The following TBC1D31 variants were observed in gnomAD, a reference collection of about 807,000 sequenced individuals.
The protein encoded by TBC1D31 is WD repeat domain 67.
Under a neutral mutation model 132.9 loss-of-function variants are expected in TBC1D31, and 99 were observed. The ratio of observed to expected loss-of-function variants is 0.74; its 90% CI spans 0.63 to 0.88. The LOEUF (loss-of-function observed/expected upper bound fraction) is 0.88. TBC1D31 is among the 40% of genes least tolerant of loss of function. The pLI is 0.00. For synonymous variants in TBC1D31, 385 were observed against 419.4 expected (o/e 0.92, Z 1.00); for missense variants, 1,134 against 1,256.6 (o/e 0.90, Z 1.48).
Position 123,126,698 on chromosome 8 carries a change from T to G in TBC1D31, c.1884+11T>G, listed in dbSNP as rs1038778699. 21 of 1,589,634 alleles carry G rather than the reference T, an allele frequency of 1.3e-5. No homozygotes were observed. Among genetic ancestry groups the G allele is most frequent in the Non-Finnish European group, 7.7e-6 (9 of 1,170,714 alleles). On this transcript the variant is annotated intron_variant, in intron 13 of 21. Coordinates refer to ENST00000287380, the MANE Select transcript of TBC1D31 (RefSeq NM_145647.4). ...AAAGATGACTTTGAGGTAACGGTCC[T>G]TGTTCTTAAGAGAAGGTTCTCAAAT...
At chr8:123,118,240 A>G (rs538606064) in intron 10 of TBC1D31, among the ~76,000 whole-genome samples, 4 of 137,298 alleles carry the variant, frequency 2.9e-5, no homozygotes, top group Admixed American at 7.6e-5. Context: ...AAATCTGAGT[A>G]AAGTCCATAA....
rs759949001 is a variant in TBC1D31, at chr8:123,077,112, A to G, written c.79A>G (p.Ile27Val). The G allele has an allele frequency of 7.5e-6, 12 of 1,591,498 alleles. No individual in the cohort carries two copies. The highest frequency in any genetic ancestry group is 1.8e-5 in the Admixed American group (1 of 54,446). ...TGTTTGGGTTTTTTTCTTTGACAGAATTATAGTGAACATTATTCACAACAC... is the reference window on the plus strand; with the variant it reads ...TGTTTGGGTTTTTTTCTTTGACAGAGTTATAGTGAACATTATTCACAACAC... ...RKPSPATRDG[I>V]IVNIIHNTSD... The change falls in exon 2 of 22, where the codon ATT becomes GTT. Residue 27 changes from isoleucine to valine, a missense_variant and splice_region_variant. Ile to Val is a conservative substitution (Grantham distance 29). Coordinates refer to ENST00000287380, the MANE Select transcript of TBC1D31 (RefSeq NM_145647.4).
At chr8:123,114,313 G>T (rs1221736522) in intron 10 of TBC1D31, among the ~76,000 whole-genome samples, 1 of 134,458 alleles carries the variant, frequency 7.4e-6, no homozygotes, top group African/African-American at 2.8e-5. Flanking sequence ...CTGTTTGTTT[G>T]TTTTTTGTTG....
chr8:123,109,213 T>G, intron 8 of TBC1D31, 104 bp from the exon 9 acceptor site: 1 of 751,508 alleles, frequency 1.3e-6, no homozygotes, highest in Non-Finnish European at 2.2e-6. Flanking sequence ...TCTTACTATG[T>G]GTTGTTTTCT....
At chr8:123,119,755 G>A (rs1819295113) in intron 10 of TBC1D31, among the ~76,000 whole-genome samples, 1 of 152,136 alleles carries the variant, frequency 6.6e-6, no homozygotes, top group African/African-American at 2.4e-5. Flanking sequence ...GTATCGGTAC[G>A]AAGCTATCAT....
chr8:123,150,587 C>T (rs1175526068), intron 21 of TBC1D31, among the ~76,000 whole-genome samples: 4 of 152,186 alleles, frequency 2.6e-5, no homozygotes, highest in East Asian at 1.9e-4. Context: ...CTGGGCACTC[C>T]GATGGAATTC....
chr8:123,090,468 G>A (rs1341834582), intron 4 of TBC1D31, among the ~76,000 whole-genome samples: 1 of 152,120 alleles, frequency 6.6e-6, no homozygotes, highest in Admixed American at 6.5e-5. Context: ...TGATTACTGT[G>A]GTTCAGCAGG....
At chr8:123,081,302 A>C (rs1815121929) in intron 2 of TBC1D31, among the ~76,000 whole-genome samples, 2 of 152,102 alleles carry the variant, frequency 1.3e-5, no homozygotes, top group Non-Finnish European at 2.9e-5. Context: ...CATCACCACC[A>C]AGCCTCAGGC....
At chr8:123,133,211 T>C (rs948251599) in intron 16 of TBC1D31, among the ~76,000 whole-genome samples, 1 of 152,216 alleles carries the variant, frequency 6.6e-6, no homozygotes, top group African/African-American at 2.4e-5. Context: ...GCTGTTTGTA[T>C]CTCTGAAAAT....
intron 10 of TBC1D31, among the ~76,000 whole-genome samples, chr8:123,113,751 T>A (rs947970859): frequency 2.0e-5 from 3 of 152,202 alleles, no homozygotes; most frequent in Admixed American, 2.0e-4. Context: ...AAGCAATTTT[T>A]TTTGTTGGTT....
intron 20 of TBC1D31, among the ~76,000 whole-genome samples, chr8:123,147,385 G>C (rs1354966755): frequency 1.3e-5 from 2 of 151,984 alleles, no homozygotes; most frequent in Non-Finnish European, 2.9e-5. Flanking sequence ...GTTGGGCAGG[G>C]TGGTCTCAAT....
chr8:123,100,604 A>ATAATAAT (rs1326440675), intron 6 of TBC1D31, among the ~76,000 whole-genome samples: 1 of 151,356 alleles, frequency 6.6e-6, no homozygotes, highest in African/African-American at 2.4e-5. Context: ...AATAATAATA[A>ATAATAAT]AATAAAATAT....
chr8:123,092,808 A>ATTTTTT lies in TBC1D31; in HGVS notation c.520-767_520-762dup, dbSNP rs71573666. Among the ~76,000 whole-genome samples the ATTTTTT allele has an allele frequency of 9.4e-4, 97 of 103,524 alleles. 3 individuals carry two copies. The highest frequency in any genetic ancestry group is 3.7e-3 in the African/African-American group (91 of 24,330). The allele number at this position is 103,524 out of a possible 152,430, so 67.9% of individuals were successfully genotyped here. On this transcript the variant is annotated intron_variant, in intron 4 of 21. Transcript: ENST00000287380. ...GGGACTACAGGCACACACCCGGCTA[A>ATTTTTT]TTTTTTTTTTTTTTTTTTTTTGAGA... is the stretch of plus-strand genomic sequence containing the variant.
intron 7 of TBC1D31, chr8:123,103,880 A>C (rs12546649): frequency 0.28 from 42,771 of 152,120 alleles, 6,167 homozygotes; most frequent in Admixed American, 0.35. Flanking sequence ...ATTTTTTGAC[A>C]CATTCCCAGT....
intron 8 of TBC1D31, 93 bp from the exon 9 acceptor site, chr8:123,109,224 A>G: frequency 1.2e-6 from 1 of 854,996 alleles, no homozygotes; most frequent in South Asian, 1.7e-5. Flanking sequence ...GTTGTTTTCT[A>G]AAGTTGGGAA....
chr8:123,128,053 C>G (rs867888769), intron 13 of TBC1D31: 1 of 336,330 alleles, frequency 3.0e-6, no homozygotes, highest in Non-Finnish European at 5.3e-6. Flanking sequence ...GTAAGAAAAG[C>G]CTTCATTTTT....
At chr8:123,077,571 G>A (rs553242929) in intron 2 of TBC1D31, among the ~76,000 whole-genome samples, 19 of 143,426 alleles carry the variant, frequency 1.3e-4, no homozygotes, top group African/African-American at 4.1e-4. Flanking sequence ...TTGTTCTGTC[G>A]CCCAGGCTGG....
intron 4 of TBC1D31, among the ~76,000 whole-genome samples, chr8:123,090,109 G>A (rs558297523): frequency 2.6e-4 from 40 of 152,312 alleles, no homozygotes; most frequent in Non-Finnish European, 4.7e-4. Flanking sequence ...ATTAGTAATA[G>A]TAATAGATAC....
In TBC1D31 at chr8:123,150,022, C is replaced by T. The variant is rs1246061564; in HGVS notation, c.2975-14C>T. On this transcript the variant is annotated splice_polypyrimidine_tract_variant and intron_variant, in intron 20 of 21. Coordinates refer to ENST00000287380, the MANE Select transcript of TBC1D31 (RefSeq NM_145647.4). ...CTCCCAAACATCATCTTAATCTCCT[C>T]ACTTTTATAACAGAAGAACCCAGGT... The T allele has an allele frequency of 1.9e-6, 3 of 1,603,390 alleles. No homozygotes were observed. In the South Asian group the frequency reaches 3.3e-5, roughly 18 times the overall value.
Sources: allele counts gnomAD v4.1 joint callset (sites outside exome capture counted in the v4.1 genomes callset), GRCh38; gene constraint gnomAD v4.1.1; transcripts MANE v1.5; gene names NCBI Gene and HGNC (gene_info 2026-07-23, HGNC 2026-07-21).